The following PLSCR5 variants were observed in gnomAD, a reference collection of about 807,000 sequenced individuals.
PLSCR5 encodes the protein phospholipid scramblase family member 5.
In PLSCR5, 44 loss-of-function variants were observed where a neutral mutation model predicts 33.6. The ratio of observed to expected loss-of-function variants is 1.31; its 90% CI spans 1.03 to 1.69. PLSCR5 has a LOEUF of 1.69. Ranked by LOEUF, PLSCR5 falls within the 40% of genes most tolerant of loss-of-function variation. PLSCR5 has a pLI of 0.00. For synonymous variants in PLSCR5, 148 were observed against 112.3 expected (o/e 1.32, Z -2.01); for missense variants, 375 against 318.7 (o/e 1.18, Z -1.34).
chr3:146,589,037 T>G (rs763512924), intron 6 of PLSCR5, among the ~76,000 whole-genome samples: 2 of 152,150 alleles, frequency 1.3e-5, no homozygotes, highest in Non-Finnish European at 2.9e-5. Flanking sequence ...GAACAGGATA[T>G]AGGTCAAGCA....
downstream of PLSCR5, among the ~76,000 whole-genome samples, chr3:146,584,419 TG>T (rs1468471136): frequency 6.6e-6 from 1 of 152,206 alleles, no homozygotes; most frequent in Non-Finnish European, 1.5e-5. Context: ...AAAAGGTTTT[TG>T]TTCCCTTCTA....
At chr3:146,595,968 C>G (rs1386805727) in intron 2 of PLSCR5, among the ~76,000 whole-genome samples, 1 of 152,144 alleles carries the variant, frequency 6.6e-6, no homozygotes, top group East Asian at 1.9e-4. Context: ...AAATGAGTTC[C>G]TGTGGATGCC....
In PLSCR5 at chr3:146,594,131, C is replaced by T. The variant is rs2107854332; in HGVS notation, c.242G>A (p.Gly81Asp). The T allele has an allele frequency of 6.2e-7, 1 of 1,610,124 alleles. No homozygotes were observed. The highest frequency in any genetic ancestry group is 8.5e-7 in the Non-Finnish European group (1 of 1,177,758). Residue 81 changes from glycine to aspartate, a missense_variant, in exon 4 of 8, where the codon GGT becomes GAT. By Grantham distance (94) the Gly-to-Asp change is moderately conservative. Transcript: ENST00000443512. ...CTCATATTTGTTGGAGGTCTCAGTA[C>T]CAAGTATCACTAATGGAACAAAAAA... is the stretch of plus-strand genomic sequence containing the variant. Reference protein sequence around the residue: ...QQVELLGMILGTETSNKYEIK... With the variant: ...QQVELLGMILDTETSNKYEIK...
chr3:146,597,345 C>T (rs908203170), intron 2 of PLSCR5, among the ~76,000 whole-genome samples: 4 of 151,816 alleles, frequency 2.6e-5, no homozygotes, highest in Admixed American at 1.3e-4. Flanking sequence ...GGAAGCAAGC[C>T]CACAGAGATT....
chr3:146,580,011 C>T (rs1339129167), intron 7 of PLSCR5, among the ~76,000 whole-genome samples: 1 of 152,206 alleles, frequency 6.6e-6, no homozygotes, highest in Non-Finnish European at 1.5e-5. Context: ...CCCCACTTAG[C>T]ATGGAAGACA....
intron 4 of PLSCR5, among the ~76,000 whole-genome samples, chr3:146,592,723 T>C (rs1027551185): frequency 1.3e-5 from 2 of 152,154 alleles, no homozygotes; most frequent in Non-Finnish European, 2.9e-5. Flanking sequence ...GGATCACTTT[T>C]AAAGTTATTA....
At chr3:146,576,965 G>C (rs2044602514) in intron 7 of PLSCR5, among the ~76,000 whole-genome samples, 1 of 151,716 alleles carries the variant, frequency 6.6e-6, no homozygotes, top group African/African-American at 2.4e-5. Flanking sequence ...TTATGACACT[G>C]GTTGTACATT....
chr3:146,603,840 GTTTA>G (rs145126851), intron 1 of PLSCR5, among the ~76,000 whole-genome samples: 14,979 of 151,874 alleles, frequency 0.099, 734 homozygotes, highest in East Asian at 0.14. Context: ...AAGGTTTTTT[GTTTA>G]TTTGTCTTCA....
intron 2 of PLSCR5, 39 bp from the exon 3 acceptor site, chr3:146,595,122 C>T: frequency 7.9e-7 from 1 of 1,260,346 alleles, no homozygotes; most frequent in Non-Finnish European, 1.0e-6. Context: ...AAAGTATTAA[C>T]ATCACACGGA....
intron 3 of PLSCR5, among the ~76,000 whole-genome samples, chr3:146,594,727 T>G (rs1357317056): frequency 2.6e-5 from 4 of 152,162 alleles, no homozygotes; most frequent in African/African-American, 9.7e-5. Context: ...TTTGAAATTA[T>G]TAGGAAAGTT....
intron 6 of PLSCR5, 109 bp downstream of exon 6, chr3:146,589,539 GAATAA>G: frequency 9.5e-7 from 1 of 1,049,588 alleles, no homozygotes; most frequent in Non-Finnish European, 1.3e-6. Flanking sequence ...ATCCTTCTAT[GAATAA>G]AATATACTCT....
At chr3:146,604,986 C>T (rs1048501111) in intron 1 of PLSCR5, among the ~76,000 whole-genome samples, 9 of 152,012 alleles carry the variant, frequency 5.9e-5, no homozygotes, top group African/African-American at 2.2e-4. Flanking sequence ...ACTAAAACAT[C>T]GTTTACATCT....
rs532146297 is a variant in PLSCR5 at position 146,600,856 on chromosome 3, T to C, written c.14-393A>G. Among the ~76,000 whole-genome samples the C allele has an allele frequency of 3.4e-5, 5 of 148,744 alleles. No individual in the cohort carries two copies. The South Asian group carries it at 1.0e-3, about 31-fold the overall frequency. On this transcript the variant is annotated intron_variant, in intron 1 of 7. Coordinates refer to ENST00000443512, the MANE Select transcript of PLSCR5 (RefSeq NM_001085420.2). ...CAAAATGTGGAGAGTAATTATCGGT[T>C]ACTTTATACATATATAAATTATATA...
chr3:146,602,343 C>A (rs2044825047), intron 1 of PLSCR5, among the ~76,000 whole-genome samples: 1 of 152,096 alleles, frequency 6.6e-6, no homozygotes, highest in Non-Finnish European at 1.5e-5. Context: ...AACATTATTT[C>A]TTTAGCGTTA....
intron 6 of PLSCR5, among the ~76,000 whole-genome samples, chr3:146,588,968 G>A (rs2044687457): frequency 6.6e-6 from 1 of 151,996 alleles, no homozygotes; most frequent in Admixed American, 6.6e-5. Flanking sequence ...AACTCCATAA[G>A]TTTTTATGGC....
chr3:146,598,115 A>C (rs566298180), intron 2 of PLSCR5, among the ~76,000 whole-genome samples: 23 of 152,290 alleles, frequency 1.5e-4, no homozygotes, highest in Middle Eastern at 3.4e-3. Context: ...AAGATTCTCA[A>C]TAGTAATTGG....
At chr3:146,587,970 T>C (rs1304587330) in intron 6 of PLSCR5, among the ~76,000 whole-genome samples, 2 of 152,022 alleles carry the variant, frequency 1.3e-5, no homozygotes, top group Admixed American at 6.6e-5. Context: ...ATTTTCCAAA[T>C]ATCATTAGAA....
At chr3:146,587,615 A>T (rs2044676169) in intron 6 of PLSCR5, among the ~76,000 whole-genome samples, 1 of 152,100 alleles carries the variant, frequency 6.6e-6, no homozygotes, top group Non-Finnish European at 1.5e-5. Flanking sequence ...GACAAGTTAA[A>T]AGCACTGTCC....
intron 4 of PLSCR5, 109 bp downstream of exon 4, chr3:146,593,811 A>T: frequency 1.0e-6 from 1 of 998,460 alleles, no homozygotes; most frequent in Non-Finnish European, 1.5e-6. Flanking sequence ...ACTATTAATA[A>T]TTAAAACAAC....
Sources: allele counts gnomAD v4.1 joint callset (sites outside exome capture counted in the v4.1 genomes callset), GRCh38; gene constraint gnomAD v4.1.1; transcripts MANE v1.5; gene names NCBI Gene and HGNC (gene_info 2026-07-23, HGNC 2026-07-21).